Variants in FBN1 observed in about 807,000 individuals in gnomAD.
FBN1 encodes fibrillin 1.
A neutral mutation model predicts 365.1 loss-of-function variants in FBN1; 29 were observed. That is an observed-to-expected ratio of 0.08 (90% confidence interval 0.06 to 0.11). FBN1 has a LOEUF of 0.11. Ranked by LOEUF, FBN1 falls within the 10% of genes least tolerant of loss-of-function variation. The pLI is 1.00. For missense variants in FBN1, 2,476 were observed against 3,703.2 expected, an observed-to-expected ratio of 0.67 and a Z score of 8.60; for synonymous variants, 1,210 against 1,270.5, an observed-to-expected ratio of 0.95 and a Z score of 1.01.
intron 10 of FBN1, 135 bp from the exon 11 acceptor site, chr15:48,516,497 A>T (rs2043804346): frequency 2.2e-6 from 2 of 889,942 alleles, no homozygotes; most frequent in Non-Finnish European, 1.8e-6. Flanking sequence ...TCAACTGGAG[A>T]AAAGAAAAAG....
intron 29 of FBN1, among the ~76,000 whole-genome samples, chr15:48,486,831 G>A (rs2043511039): frequency 6.6e-6 from 1 of 152,136 alleles, no homozygotes; most frequent in Admixed American, 6.5e-5. Flanking sequence ...AACATCCTAT[G>A]TCCTTCACTT....
In FBN1 at chr15:48,547,295, C is replaced by T. The variant is rs1030787549; in HGVS notation, c.539-9487G>A. On this transcript the variant is annotated intron_variant, in intron 6 of 65. Coordinates refer to ENST00000316623, the MANE Select transcript of FBN1 (RefSeq NM_000138.5). ...CACAGAAAACCAAGTATGAAGTACC[C>T]ACGGCCCAGACCAACAATATGTGAT... Among the ~76,000 whole-genome samples, 5 of 152,102 alleles carry T rather than the reference C, an allele frequency of 3.3e-5. No individual in the cohort carries two copies. In the East Asian group the frequency reaches 9.6e-4, roughly 29 times the overall value.
chr15:48,554,397 A>G (rs544943537), intron 6 of FBN1, among the ~76,000 whole-genome samples: 1 of 152,364 alleles, frequency 6.6e-6, no homozygotes, highest in East Asian at 1.9e-4. Context: ...TTGAGCTAAC[A>G]AAGCCTTCAG....
chr15:48,478,914 G>A (rs1034133247), intron 32 of FBN1, among the ~76,000 whole-genome samples: 1 of 152,176 alleles, frequency 6.6e-6, no homozygotes, highest in Admixed American at 6.5e-5. Flanking sequence ...AGACAAAACT[G>A]TAATGGAGCC....
At chr15:48,596,219 T>C in intron 6 of FBN1, 64 bp downstream of exon 6, 1 of 1,439,700 alleles carries the variant, frequency 6.9e-7, no homozygotes, top group Non-Finnish European at 9.8e-7. Flanking sequence ...CCAATGTCTG[T>C]GCAAATTAGT....
At chr15:48,451,967 A>G (rs368179699) in intron 45 of FBN1, among the ~76,000 whole-genome samples, 28 of 152,332 alleles carry the variant, frequency 1.8e-4, no homozygotes, top group African/African-American at 6.5e-4. Flanking sequence ...AAAAAATCTA[A>G]TCTCTAGGGG....
chr15:48,414,881 G>A (rs1215709794), intron 64 of FBN1, among the ~76,000 whole-genome samples: 4 of 121,348 alleles, frequency 3.3e-5, no homozygotes, highest in Middle Eastern at 0.011. Context: ...GGGCGACAGA[G>A]CAAGACTCCG....
At chr15:48,578,515 T>C (rs1182178090) in intron 6 of FBN1, among the ~76,000 whole-genome samples, 1 of 152,170 alleles carries the variant, frequency 6.6e-6, no homozygotes, top group Non-Finnish European at 1.5e-5. Flanking sequence ...TCCAAGTCTT[T>C]TGGGTATATA....
Position 48,408,422 on chromosome 15 carries a change from C to T in FBN1, c.*2568G>A, listed in dbSNP as rs573661935. 1 of 152,746 alleles carries T rather than the reference C, an allele frequency of 6.5e-6. No individual in the cohort carries two copies. The highest frequency in any genetic ancestry group is 1.5e-5 in the Non-Finnish European group (1 of 68,026). 9.5% of individuals were successfully genotyped at this position (152,746 alleles called of 1,614,324 possible). On this transcript the variant is annotated 3_prime_UTR_variant, in exon 66 of 66. Transcript: ENST00000316623. ...AAAGTGATTTTGGCTGAGTAAACTGCTATTTGTTGAACAAAAATGTAGTTG... is the reference window on the plus strand; with the variant it reads ...AAAGTGATTTTGGCTGAGTAAACTGTTATTTGTTGAACAAAAATGTAGTTG...
chr15:48,434,821 A>T, intron 53 of FBN1, 108 bp from the exon 54 acceptor site: 23 of 1,351,612 alleles, frequency 1.7e-5, no homozygotes, highest in African/African-American at 2.9e-5. Flanking sequence ...GTTTTGAGAC[A>T]GAGTCTCACT....
Position 48,411,391 on chromosome 15 carries a change from C to T in FBN1, c.8227-12G>A, listed in dbSNP as rs750277727. 8.7e-6 allele frequency: 14 copies of T among 1,612,964 alleles called. No homozygotes were observed. Among genetic ancestry groups the T allele is most frequent in the Middle Eastern group, 1.6e-4 (1 of 6,062 alleles). On this transcript the variant is annotated splice_polypyrimidine_tract_variant and intron_variant, in intron 65 of 65. Coordinates refer to ENST00000316623, the MANE Select transcript of FBN1 (RefSeq NM_000138.5). ...GTCTCAGACTGATCCTGGAAAGACA[C>T]ATGGCAATATGTTAAATACAATGTA...
At chr15:48,548,167 T>C (rs1014114493) in intron 6 of FBN1, among the ~76,000 whole-genome samples, 17 of 152,324 alleles carry the variant, frequency 1.1e-4, no homozygotes, top group African/African-American at 3.8e-4. Context: ...ACTGTTATTT[T>C]ATGGTCGTCC....
At position 48,495,489 on chromosome 15, in the gene FBN1, G is replaced by A. The variant is rs397515777; in HGVS notation, c.2519C>T (p.Pro840Leu). The A allele has an allele frequency of 6.2e-7, 1 of 1,613,860 alleles. No homozygotes were observed. Among genetic ancestry groups the A allele is most frequent in the Non-Finnish European group, 8.5e-7 (1 of 1,179,928 alleles). ...AATACCTATGCAGATGGTTTTTGTT[G>A]GATCCAAAGTACTTTCAGAAGAACA... Reference protein sequence around the residue: ...CECSSESTLDPTKTICIETIK... With the variant: ...CECSSESTLDLTKTICIETIK... Residue 840 changes from proline to leucine, a missense_variant, in exon 21 of 66, where the codon CCA (proline) becomes CTA (leucine). By Grantham distance (98) the Pro-to-Leu change is moderately conservative. This residue lies in a region of FBN1 where 1,780 missense variants were observed against 2,840.8 expected (regional missense o/e 0.63). Transcript: ENST00000316623.
intron 63 of FBN1, among the ~76,000 whole-genome samples, chr15:48,416,873 A>T (rs998201847): frequency 1.2e-4 from 19 of 152,264 alleles, no homozygotes; most frequent in African/African-American, 4.6e-4. Flanking sequence ...CCTATGGAAG[A>T]GAGGAAGGGG....
chr15:48,426,837 T>C lies in FBN1; in HGVS notation c.7204+730A>G, dbSNP rs147711505. The stretch of plus-strand genomic sequence containing the variant: ...ACCTTTCTAGGTCTGTTTTTTCTTT[T>C]TTTTTAAATCACATCCAGTTCCATT... On this transcript the variant is annotated intron_variant, in intron 58 of 65. Coordinates refer to ENST00000316623, the MANE Select transcript of FBN1 (RefSeq NM_000138.5). Among the ~76,000 whole-genome samples, 205 of 152,320 alleles carry C rather than the reference T, an allele frequency of 1.3e-3. 1 individual carries two copies. Among genetic ancestry groups the C allele is most frequent in the African/African-American group, 4.7e-3 (196 of 41,574 alleles).
intron 53 of FBN1, among the ~76,000 whole-genome samples, chr15:48,435,738 G>A (rs59764418): frequency 1.3e-3 from 135 of 103,150 alleles, no homozygotes; most frequent in African/African-American, 7.7e-3. Flanking sequence ...GTATATATAT[G>A]TGTGTATATA....
intron 2 of FBN1, among the ~76,000 whole-genome samples, chr15:48,638,175 C>T (rs1371392218): frequency 1.3e-5 from 2 of 152,028 alleles, no homozygotes; most frequent in African/African-American, 4.8e-5. Flanking sequence ...ACTGGGATTA[C>T]AGGAATGAGC....
At chr15:48,572,783 C>G (rs534788161) in intron 6 of FBN1, among the ~76,000 whole-genome samples, 2 of 152,164 alleles carry the variant, frequency 1.3e-5, no homozygotes, top group East Asian at 3.8e-4. Context: ...GGGACATAAG[C>G]TTTATCTGAG....
intron 6 of FBN1, among the ~76,000 whole-genome samples, chr15:48,563,016 T>C (rs1479698573): frequency 6.6e-6 from 1 of 152,180 alleles, no homozygotes; most frequent in African/African-American, 2.4e-5. Flanking sequence ...CTACAGTCCT[T>C]AGCACAGACT....
Sources: allele counts gnomAD v4.1 joint callset (sites outside exome capture counted in the v4.1 genomes callset), GRCh38; gene constraint gnomAD v4.1.1; regional missense constraint gnomAD v4.1.1; transcripts MANE v1.5; gene names NCBI Gene and HGNC (gene_info 2026-07-23, HGNC 2026-07-21).